The following ZNF618 variants were observed in gnomAD, a reference collection of about 807,000 sequenced individuals.
ZNF618 encodes neural precursor cell expressed, developmentally down-regulated 10.
Under a neutral mutation model 103.0 loss-of-function variants are expected in ZNF618, and 34 were observed. That is an observed-to-expected ratio of 0.33 (90% confidence interval 0.25 to 0.44). The LOEUF (loss-of-function observed/expected upper bound fraction) is 0.44. Among genes scored for constraint, ZNF618 ranks in the 20% least tolerant of loss-of-function variants. The pLI, the probability that ZNF618 is intolerant of heterozygous loss-of-function variation, is 1.00. For missense variants in ZNF618, 1,059 were observed against 1,295.4 expected (o/e 0.82, Z 2.80); for synonymous variants, 551 against 542.2 (o/e 1.02, Z -0.23).
At chr9:113,909,374 G>A (rs910701753) in intron 1 of ZNF618, among the ~76,000 whole-genome samples, 2 of 152,116 alleles carry the variant, frequency 1.3e-5, no homozygotes, top group Non-Finnish European at 2.9e-5. Context: ...TTTGACCACA[G>A]ATGTGGATAA....
At chr9:113,958,811 C>A (rs1471571199) in intron 1 of ZNF618, among the ~76,000 whole-genome samples, 1 of 152,198 alleles carries the variant, frequency 6.6e-6, no homozygotes, top group Non-Finnish European at 1.5e-5. Flanking sequence ...CCTCCCTGGA[C>A]TTTGACATCT....
intron 9 of ZNF618, 61 bp downstream of exon 9, chr9:114,008,615 T>G: frequency 6.3e-7 from 1 of 1,589,900 alleles, no homozygotes; most frequent in Non-Finnish European, 8.6e-7. Flanking sequence ...GAGGCAGGGC[T>G]CAGTCTCACT....
chr9:114,049,326 C>T lies in ZNF618; in HGVS notation c.2024C>T (p.Thr675Met), dbSNP rs757255512. 28 of 1,611,324 alleles carry T rather than the reference C, an allele frequency of 1.7e-5. No individual in the cohort carries two copies. Among genetic ancestry groups the T allele is most frequent in the East Asian group, 8.9e-5 (4 of 44,832 alleles). ...GTGTGCGAGGACCTGGCGGGCTCCA[C>T]GGGCCTGGCCAAGGAGACCTTCGGG... Reference protein sequence around the residue: ...LNVCEDLAGSTGLAKETFGSL... With the variant: ...LNVCEDLAGSMGLAKETFGSL... Residue 675 changes from threonine (T) to methionine (M), a missense_variant, in exon 15 of 15, where the codon ACG (threonine) becomes ATG (methionine). By Grantham distance (81) the Thr-to-Met change is moderately conservative. Coordinates refer to ENST00000374126, the MANE Select transcript of ZNF618 (RefSeq NM_001318042.2).
chr9:113,933,985 A>G (rs1318475379), intron 1 of ZNF618, among the ~76,000 whole-genome samples: 1 of 152,004 alleles, frequency 6.6e-6, no homozygotes, highest in Non-Finnish European at 1.5e-5. Flanking sequence ...GCTAAGGACA[A>G]GGTCTAGGGT....
intron 13 of ZNF618, among the ~76,000 whole-genome samples, chr9:114,037,844 G>A (rs1216305847): frequency 6.6e-6 from 1 of 152,160 alleles, no homozygotes; most frequent in South Asian, 2.1e-4. Context: ...TATTTCTAAT[G>A]AACTTAAAAT....
In ZNF618 at chr9:114,053,140, G is replaced by A. The variant is rs768834632; in HGVS notation, c.*2973G>A. 2 of 152,642 alleles carry A rather than the reference G, an allele frequency of 1.3e-5. No homozygotes were observed. The highest frequency in any genetic ancestry group is 2.9e-5 in the Non-Finnish European group (2 of 68,064). The allele number at this position is 152,642 out of a possible 1,614,324, so 9.5% of individuals were successfully genotyped here. ...CCTCTTCTCAGACAGGCTGTTCTCAGAGTGCAAATCCTGCTGCAACTAACA... is the reference window on the plus strand; with the variant it reads ...CCTCTTCTCAGACAGGCTGTTCTCAAAGTGCAAATCCTGCTGCAACTAACA... On this transcript the variant is annotated 3_prime_UTR_variant, in exon 15 of 15. Transcript: ENST00000374126.
At chr9:113,991,923 G>A (rs1225281586) in intron 3 of ZNF618, among the ~76,000 whole-genome samples, 1 of 152,200 alleles carries the variant, frequency 6.6e-6, no homozygotes, top group African/African-American at 2.4e-5. Flanking sequence ...AGTGCTCCCT[G>A]CTGTCACGGC....
intron 4 of ZNF618, among the ~76,000 whole-genome samples, chr9:114,000,303 G>A (rs1841060414): frequency 6.6e-6 from 1 of 152,114 alleles, no homozygotes; most frequent in African/African-American, 2.4e-5. Context: ...TGCAGGTGGG[G>A]AAACAGAGGC....
intron 13 of ZNF618, among the ~76,000 whole-genome samples, chr9:114,046,959 G>A (rs560195963): frequency 1.3e-5 from 2 of 152,286 alleles, no homozygotes; most frequent in South Asian, 4.1e-4. Flanking sequence ...AGGCAGCCAG[G>A]TTCATAGCAG....
At chr9:113,947,754 A>G (rs1356472748) in intron 1 of ZNF618, among the ~76,000 whole-genome samples, 3 of 152,322 alleles carry the variant, frequency 2.0e-5, no homozygotes, top group African/African-American at 7.2e-5. Context: ...AGCCTTTTAG[A>G]ATGTGAAAGC....
intron 1 of ZNF618, among the ~76,000 whole-genome samples, chr9:113,965,597 GGTTTTAA>G (rs1376340091): frequency 1.3e-5 from 2 of 152,106 alleles, no homozygotes; most frequent in African/African-American, 4.8e-5. Flanking sequence ...AGAGGAGTCT[GGTTTTAA>G]GGTTGGGTCA....
At chr9:114,023,944 G>A (rs1843279480) in intron 10 of ZNF618, among the ~76,000 whole-genome samples, 1 of 152,098 alleles carries the variant, frequency 6.6e-6, no homozygotes, top group South Asian at 2.1e-4. Context: ...GATTCATTGA[G>A]CTTCTTGGAT....
chr9:113,983,317 T>A (rs1384385897), intron 2 of ZNF618, among the ~76,000 whole-genome samples: 1 of 152,236 alleles, frequency 6.6e-6, no homozygotes, highest in Non-Finnish European at 1.5e-5. Context: ...CCATTGTTAT[T>A]AGGACACCTA....
At chr9:113,895,839 G>C (rs1450798511) in intron 1 of ZNF618, among the ~76,000 whole-genome samples, 7 of 151,880 alleles carry the variant, frequency 4.6e-5, no homozygotes. Context: ...TGTCTTGTCA[G>C]GTTTTTGGAG....
At chr9:113,880,799 C>T (rs1280693458) in intron 1 of ZNF618, among the ~76,000 whole-genome samples, 1 of 152,150 alleles carries the variant, frequency 6.6e-6, no homozygotes, top group East Asian at 1.9e-4. Context: ...CTGTGGGTCA[C>T]GGCCAAAAGA....
intron 1 of ZNF618, among the ~76,000 whole-genome samples, chr9:113,917,360 C>A (rs1051761359): frequency 2.6e-5 from 4 of 151,038 alleles, no homozygotes; most frequent in Admixed American, 2.6e-4. Context: ...ATCCTCCTAC[C>A]TCAGCCTCCC....
At chr9:113,938,767 A>G (rs551157814) in intron 1 of ZNF618, among the ~76,000 whole-genome samples, 12 of 151,896 alleles carry the variant, frequency 7.9e-5, no homozygotes, top group African/African-American at 1.7e-4. Context: ...ACGGGGTTTC[A>G]TCATGTTGGC....
chr9:114,001,685 T>G (rs1841221486), intron 4 of ZNF618, among the ~76,000 whole-genome samples: 1 of 152,230 alleles, frequency 6.6e-6, no homozygotes, highest in Non-Finnish European at 1.5e-5. Flanking sequence ...CTTTTAACAT[T>G]CATTTCCTTT....
At chr9:113,980,560 G>T (rs180987116) in intron 2 of ZNF618, among the ~76,000 whole-genome samples, 65 of 152,236 alleles carry the variant, frequency 4.3e-4, no homozygotes, top group Middle Eastern at 3.4e-3. Flanking sequence ...TTTAAAAAAT[G>T]AAAATTAAAA....
Sources: allele counts gnomAD v4.1 joint callset (sites outside exome capture counted in the v4.1 genomes callset), GRCh38; gene constraint gnomAD v4.1.1; transcripts MANE v1.5; gene names NCBI Gene and HGNC (gene_info 2026-07-23, HGNC 2026-07-21).